LRRC1: variants seen among roughly 807,000 people sequenced by gnomAD.
LRRC1 encodes the protein leucine-rich repeat-containing protein 1.
In LRRC1, 28 loss-of-function variants were observed where a neutral mutation model predicts 69.9. The ratio of observed to expected loss-of-function variants is 0.40; its 90% CI spans 0.30 to 0.55. The LOEUF (loss-of-function observed/expected upper bound fraction) is 0.55. Ranked by LOEUF, LRRC1 falls within the 20% of genes least tolerant of loss-of-function variation. The pLI, the probability that LRRC1 is intolerant of heterozygous loss-of-function variation, is 0.47. For missense variants in LRRC1, 498 were observed against 609.0 expected (o/e 0.82, Z 1.92); for synonymous variants, 236 against 240.2 (o/e 0.98, Z 0.16).
chr6:53,891,684 G>A (rs73432412), intron 4 of LRRC1, among the ~76,000 whole-genome samples: 3,162 of 152,128 alleles, frequency 0.021, 116 homozygotes, highest in African/African-American at 0.073. Context: ...ATATATTGTT[G>A]TAAATATATA....
intron 1 of LRRC1, among the ~76,000 whole-genome samples, chr6:53,809,761 C>G (rs983305917): frequency 6.6e-5 from 10 of 152,116 alleles, no homozygotes; most frequent in African/African-American, 2.4e-4. Flanking sequence ...GGGTTCAGCC[C>G]TAGAGAGACA....
At chr6:53,855,515 G>T (rs911181953) in intron 2 of LRRC1, among the ~76,000 whole-genome samples, 1 of 152,170 alleles carries the variant, frequency 6.6e-6, no homozygotes, top group African/African-American at 2.4e-5. Flanking sequence ...TGCAGAGGCC[G>T]AAACGAAGTT....
intron 1 of LRRC1, among the ~76,000 whole-genome samples, chr6:53,816,808 GTATA>G (rs1764963715): frequency 6.6e-6 from 1 of 151,982 alleles, no homozygotes; most frequent in Admixed American, 6.6e-5. Context: ...GAATACTTTC[GTATA>G]TGCCGAACAA....
intron 1 of LRRC1, among the ~76,000 whole-genome samples, chr6:53,795,967 C>T (rs1382399333): frequency 3.3e-5 from 5 of 152,222 alleles, no homozygotes; most frequent in African/African-American, 1.2e-4. Context: ...TGGGCTTGGC[C>T]GGCTGGCCTG....
At chr6:53,888,012 G>C (rs1013374221) in intron 4 of LRRC1, among the ~76,000 whole-genome samples, 19 of 152,182 alleles carry the variant, frequency 1.2e-4, no homozygotes, top group Admixed American at 1.2e-3. Flanking sequence ...AAAACACTTA[G>C]AAGATTCCAC....
chr6:53,921,658 GCTT>G (rs1188216805), intron 13 of LRRC1, among the ~76,000 whole-genome samples: 2 of 152,142 alleles, frequency 1.3e-5, no homozygotes, highest in African/African-American at 4.8e-5. Flanking sequence ...GTTGACTTTG[GCTT>G]CTTAAATTCC....
At chr6:53,914,103 C>T in intron 11 of LRRC1, 134 bp downstream of exon 11, 1 of 601,650 alleles carries the variant, frequency 1.7e-6, no homozygotes, top group Non-Finnish European at 2.9e-6. Context: ...TGACCTAGGC[C>T]TCAGGGAGTT....
intron 2 of LRRC1, among the ~76,000 whole-genome samples, chr6:53,846,220 G>A (rs1483408845): frequency 6.6e-6 from 1 of 152,162 alleles, no homozygotes; most frequent in Non-Finnish European, 1.5e-5. Context: ...GACATTTTAG[G>A]CGCAAAGTCA....
At chr6:53,915,617 C>A (rs139275691) in intron 11 of LRRC1, among the ~76,000 whole-genome samples, 3 of 152,034 alleles carry the variant, frequency 2.0e-5, no homozygotes, top group Non-Finnish European at 4.4e-5. Flanking sequence ...GCTGTGATGC[C>A]GAAAAACTGT....
intron 1 of LRRC1, among the ~76,000 whole-genome samples, chr6:53,809,913 C>T (rs748059758): frequency 3.9e-4 from 59 of 152,338 alleles, no homozygotes; most frequent in Non-Finnish European, 6.6e-4. Flanking sequence ...ATGACTTCCC[C>T]GTGACTTGGT....
chr6:53,869,552 C>T (rs1313395068), intron 2 of LRRC1, among the ~76,000 whole-genome samples: 1 of 152,064 alleles, frequency 6.6e-6, no homozygotes, highest in Non-Finnish European at 1.5e-5. Context: ...TACTGTATAC[C>T]ACATGAAATA....
chr6:53,799,818 C>T (rs1581837353), intron 1 of LRRC1, among the ~76,000 whole-genome samples: 1 of 152,200 alleles, frequency 6.6e-6, no homozygotes, highest in Non-Finnish European at 1.5e-5. Flanking sequence ...GCTATTCTTT[C>T]CATCTCAAAG....
At chr6:53,810,256 C>A (rs1353727244) in intron 1 of LRRC1, among the ~76,000 whole-genome samples, 2 of 152,128 alleles carry the variant, frequency 1.3e-5, no homozygotes, top group East Asian at 1.9e-4. Flanking sequence ...ATGTCTTCTG[C>A]CAAAAGCATA....
chr6:53,858,176 A>G (rs955881829), intron 2 of LRRC1, among the ~76,000 whole-genome samples: 7 of 152,180 alleles, frequency 4.6e-5, no homozygotes, highest in Admixed American at 1.3e-4. Context: ...TTAAGTGTTG[A>G]GAACCACAGG....
intron 3 of LRRC1, among the ~76,000 whole-genome samples, chr6:53,879,330 G>A (rs1219405204): frequency 1.3e-5 from 2 of 152,196 alleles, no homozygotes; most frequent in Admixed American, 6.5e-5. Context: ...AGGATGAGGA[G>A]TGCATTTCTG....
At chr6:53,842,691 T>C (rs528773473) in intron 2 of LRRC1, among the ~76,000 whole-genome samples, 10 of 152,304 alleles carry the variant, frequency 6.6e-5, no homozygotes, top group Non-Finnish European at 1.3e-4. Context: ...AAGGGAAACC[T>C]GCCCTGGGGA....
At chr6:53,880,701 T>C (rs914684550) in intron 3 of LRRC1, among the ~76,000 whole-genome samples, 1 of 152,220 alleles carries the variant, frequency 6.6e-6, no homozygotes, top group Non-Finnish European at 1.5e-5. Context: ...TGTGTACTTT[T>C]TTCATAACAC....
chr6:53,914,864 A>G (rs1037270741), intron 11 of LRRC1, among the ~76,000 whole-genome samples: 1 of 152,172 alleles, frequency 6.6e-6, no homozygotes, highest in Non-Finnish European at 1.5e-5. Flanking sequence ...GCCTGTTTTC[A>G]TATGGGTAAC....
chr6:53,849,658 A>G (rs552886310), intron 2 of LRRC1, among the ~76,000 whole-genome samples: 35 of 152,356 alleles, frequency 2.3e-4, no homozygotes, highest in African/African-American at 8.4e-4. Flanking sequence ...ACTTGAGCCA[A>G]GAGGGAAAGA....
Sources: allele counts gnomAD v4.1 joint callset (sites outside exome capture counted in the v4.1 genomes callset), GRCh38; gene constraint gnomAD v4.1.1; transcripts MANE v1.5; gene names NCBI Gene and HGNC (gene_info 2026-07-23, HGNC 2026-07-21).